Variants in C9orf72 observed in about 807,000 individuals in gnomAD.
C9orf72 encodes C9orf72-SMCR8 complex subunit, also known as guanine nucleotide exchange factor C9orf72.
C9orf72 carries 44 observed loss-of-function variants against 51.6 expected under a neutral mutation model. That is an observed-to-expected ratio of 0.85 (90% CI 0.67 to 1.10). The LOEUF (loss-of-function observed/expected upper bound fraction) is 1.10, where lower values mean the gene tolerates loss of function less well. Ranked by LOEUF, C9orf72 falls within the 50% of genes least tolerant of loss-of-function variation. The probability of loss-of-function intolerance (pLI) is 0.00; values close to 1 mark genes in which losing one functional copy is unlikely to be tolerated. For missense variants in C9orf72, 607 were observed against 570.6 expected (o/e 1.06, Z -0.65); for synonymous variants, 213 against 194.2 (o/e 1.10, Z -0.81).
intron 5 of C9orf72, chr9:27,560,921 A>T (rs1819327702): frequency 3.8e-6 from 1 of 263,958 alleles, no homozygotes; most frequent in African/African-American, 2.3e-5. Context: ...CACTCAACAA[A>T]TACTGGCTAT....
chr9:27,548,716 G>A (rs369558106), intron 9 of C9orf72, 50 bp from the exon 10 acceptor site: 131 of 1,047,866 alleles, frequency 1.3e-4, no homozygotes, highest in East Asian at 3.6e-4. Context: ...CATTCTACTC[G>A]TACAGAAGTT....
chr9:27,556,639 G>A lies in C9orf72; in HGVS notation c.1013C>T (p.Ala338Val). The A allele has an allele frequency of 6.2e-7, 1 of 1,613,912 alleles. No individual in the cohort carries two copies. The change falls in exon 8 of 11, where the codon GCC becomes GTC. Residue 338 changes from alanine to valine, a missense_variant. Transcript: ENST00000380003. ...QRRYMRSELTAFWRATSEEDM... is the reference protein window; with the variant it reads ...QRRYMRSELTVFWRATSEEDM... ...TTCTTCTGAAGTGGCTCTCCAGAAGGCTGTCAGCTCGGATCTCATGTATCT... is the reference window on the plus strand; with the variant it reads ...TTCTTCTGAAGTGGCTCTCCAGAAGACTGTCAGCTCGGATCTCATGTATCT...
upstream of C9orf72, chr9:27,573,523 C>CGGCCCCGGCCCCGGCCCCGGCCCCG (rs905464796): frequency 8.4e-5 from 12 of 142,426 alleles, no homozygotes; most frequent in Admixed American, 2.8e-4. Context: ...GCCCCGACCA[C>CGGCCCCGGCCCCGGCCCCGGCCCCG]GCCCCGGCCC....
chr9:27,551,937 C>A (rs1313379030), intron 8 of C9orf72, among the ~76,000 whole-genome samples: 3 of 152,196 alleles, frequency 2.0e-5, no homozygotes, highest in South Asian at 4.1e-4. Flanking sequence ...CGTTTTGCGG[C>A]TATTGTGAAT....
Position 27,548,249 on chromosome 9 carries a change from A to G in C9orf72, c.1433T>C (p.Leu478Pro). 5 of 1,607,964 alleles carry G rather than the reference A, an allele frequency of 3.1e-6. No homozygotes were observed. Among genetic ancestry groups the G allele is most frequent in the Non-Finnish European group, 4.2e-6 (5 of 1,177,222 alleles). ...FYTSVQERDV[L>P]MTF is the part of the protein sequence containing the mutation. ...TAAGTTACACATTTAAAAAGTCATT[A>G]GAACATCTCGTTCTTGCACACTAGT... The change falls in exon 11 of 11, where the codon CTA becomes CCA. Residue 478 changes from leucine to proline, a missense_variant. Physicochemically the swap from Leu to Pro is moderately conservative, Grantham distance 98. Transcript: ENST00000380003.
intron 1 of C9orf72, among the ~76,000 whole-genome samples, chr9:27,572,253 G>A (rs1181539186): frequency 6.6e-6 from 1 of 152,200 alleles, no homozygotes; most frequent in Non-Finnish European, 1.5e-5. Context: ...CTATCAGCAT[G>A]TAGCAGTTTC....
intron 8 of C9orf72, among the ~76,000 whole-genome samples, chr9:27,551,484 AG>A (rs1163935774): frequency 6.6e-6 from 1 of 152,170 alleles, no homozygotes; most frequent in Non-Finnish European, 1.5e-5. Flanking sequence ...GAGAACATTT[AG>A]TAAGAGGAGG....
intron 9 of C9orf72, among the ~76,000 whole-genome samples, chr9:27,549,244 C>T (rs1820854011): frequency 6.6e-6 from 1 of 152,208 alleles, no homozygotes; most frequent in African/African-American, 2.4e-5. Flanking sequence ...TTTTAAAACT[C>T]ATACATAAGT....
intron 5 of C9orf72, 152 bp downstream of exon 5, chr9:27,561,433 A>T (rs1819343756): frequency 7.1e-7 from 1 of 1,410,266 alleles, no homozygotes; most frequent in African/African-American, 1.6e-5. Context: ...TGAGTGAAAA[A>T]TAACACAAAT....
At chr9:27,556,073 G>T in intron 8 of C9orf72, among the ~76,000 whole-genome samples, 1 of 146,494 alleles carries the variant, frequency 6.8e-6, no homozygotes, top group African/African-American at 2.5e-5. Flanking sequence ...AATAAGAAGT[G>T]AATAACAATA....
intron 9 of C9orf72, among the ~76,000 whole-genome samples, chr9:27,550,353 A>G (rs1820881597): frequency 6.6e-6 from 1 of 152,086 alleles, no homozygotes; most frequent in Admixed American, 6.6e-5. Flanking sequence ...GGTCAACTTT[A>G]TATCTTATTA....
In C9orf72 at chr9:27,556,753, T is replaced by C; in HGVS notation, c.899A>G (p.Tyr300Cys). 1 of 1,613,940 alleles carries C rather than the reference T, an allele frequency of 6.2e-7. No homozygotes were observed. ...SFVLPFRQVM[Y>C]APYPTTHIDV... ...TATGTGTGTGGTGGGATATGGAGCA[T>C]ACATGACTTGCCGGAAAGGCAGCAC... The change falls in exon 8 of 11, where the codon TAT becomes TGT. Residue 300 changes from tyrosine (Y) to cysteine (C), a missense_variant. Transcript: ENST00000380003.
intron 1 of C9orf72, among the ~76,000 whole-genome samples, chr9:27,568,355 T>C (rs1819516700): frequency 6.6e-6 from 1 of 152,172 alleles, no homozygotes; most frequent in Admixed American, 6.5e-5. Flanking sequence ...TTAGAACACG[T>C]AGAAAACAGA....
At chr9:27,573,529 G>GGCCCCGACCAC (rs2131552503), upstream of C9orf72, 1 of 33,112 alleles carries the variant, frequency 3.0e-5, no homozygotes, top group African/African-American at 8.6e-5. Flanking sequence ...ACCACGCCCC[G>GGCCCCGACCAC]GCCCCGGCCC....
chr9:27,554,971 G>A (rs1820980198), intron 8 of C9orf72, among the ~76,000 whole-genome samples: 1 of 152,082 alleles, frequency 6.6e-6, no homozygotes, highest in African/African-American at 2.4e-5. Flanking sequence ...ATTAAGAAAT[G>A]TTAAAATACA....
intron 6 of C9orf72, chr9:27,559,283 A>T (rs1020274773): frequency 6.6e-6 from 1 of 151,496 alleles, no homozygotes; most frequent in African/African-American, 2.4e-5. Flanking sequence ...AAAAAAAAAA[A>T]AACACTCCAA....
chr9:27,554,029 G>A (rs992515732), intron 8 of C9orf72, among the ~76,000 whole-genome samples: 1 of 152,162 alleles, frequency 6.6e-6, no homozygotes, highest in Admixed American at 6.6e-5. Flanking sequence ...ATGTTGGCAA[G>A]GTTGTGGAGA....
intron 6 of C9orf72, chr9:27,559,150 G>C (rs940444887): frequency 1.3e-5 from 2 of 151,590 alleles, no homozygotes; most frequent in African/African-American, 4.9e-5. Flanking sequence ...CATATCCACA[G>C]TTATTATGTT....
intron 2 of C9orf72, 144 bp downstream of exon 2, chr9:27,566,533 T>C (rs1819470033): frequency 1.6e-6 from 1 of 606,876 alleles, no homozygotes; most frequent in Non-Finnish European, 2.8e-6. Flanking sequence ...GATGTATTTG[T>C]ATCTAATAGG....
Sources: gnomAD v4.1 joint callset for allele counts (sites outside exome capture counted in the v4.1 genomes callset) on GRCh38, gnomAD v4.1.1 for gene constraint, MANE v1.5 for transcripts, NCBI Gene and HGNC (gene_info 2026-07-23, HGNC 2026-07-21) for gene names.